MET: variants seen among roughly 807,000 people sequenced by gnomAD.
The protein encoded by MET is hepatocyte growth factor receptor.
In MET, 48 loss-of-function variants were observed where a neutral mutation model predicts 133.1. That is an observed-to-expected ratio of 0.36 (90% CI 0.29 to 0.46). The LOEUF is 0.46. MET is among the 20% of genes least tolerant of loss of function. The pLI is 1.00. For synonymous variants in MET, 628 were observed against 616.5 expected (o/e 1.02, Z -0.28); for missense variants, 1,442 against 1,695.9 (o/e 0.85, Z 2.63).
Position 116,778,912 on chromosome 7 carries a change from C to T in MET, c.3477C>T (p.Tyr1159=), listed in dbSNP as rs372238373. 73 of 1,613,872 alleles carry T rather than the reference C, an allele frequency of 4.5e-5. No homozygotes were observed. Among genetic ancestry groups the T allele is most frequent in the Admixed American group, 8.3e-5 (5 of 59,998 alleles). Residue 1159 remains tyrosine (Y), a synonymous_variant, in exon 17 of 21, where the codon TAC becomes TAT. Coordinates refer to ENST00000397752, the MANE Select transcript of MET (RefSeq NM_000245.4). Reference sequence around the variant, plus strand: ...GGTCTCCGCTGGTGGTCCTACCATACATGAAACATGGAGATCTTCGAAATT... The same window carrying T: ...GGTCTCCGCTGGTGGTCCTACCATATATGAAACATGGAGATCTTCGAAATT... The part of the protein sequence containing the change: ...SEGSPLVVLP[Y]MKHGDLRNFI...
At chr7:116,743,291 G>T (rs192578133) in intron 5 of MET, among the ~76,000 whole-genome samples, 3 of 152,336 alleles carry the variant, frequency 2.0e-5, no homozygotes, top group Non-Finnish European at 4.4e-5. Context: ...TGGGTTTGAA[G>T]CACAAAACTG....
intron 12 of MET, among the ~76,000 whole-genome samples, chr7:116,770,764 C>T (rs193114393): frequency 2.7e-4 from 41 of 152,236 alleles, no homozygotes; most frequent in African/African-American, 9.4e-4. Flanking sequence ...TAGCCTGTGT[C>T]GGTACTTCAT....
chr7:116,717,178 G>A (rs530218950), intron 2 of MET, among the ~76,000 whole-genome samples: 12 of 152,298 alleles, frequency 7.9e-5, no homozygotes, highest in South Asian at 4.1e-4. Context: ...CAGCCTGGCC[G>A]TGCATTAAGG....
At chr7:116,758,381 T>C (rs2116928862) in intron 8 of MET, 78 bp from the exon 9 acceptor site, 1 of 1,426,402 alleles carries the variant, frequency 7.0e-7, no homozygotes, top group Non-Finnish European at 9.8e-7. Context: ...AGTTATATCC[T>C]TTTGATTTGT....
chr7:116,778,940 A>G lies in MET; in HGVS notation c.3505A>G (p.Ile1169Val), dbSNP rs752109953. Residue 1169 changes from isoleucine to valine, a missense_variant, in exon 17 of 21, where the codon ATT becomes GTT. Physicochemically the swap from Ile to Val is conservative, Grantham distance 29. Around this residue, in one of 6 missense-constraint regions of MET, gnomAD observed 514 missense variants for 659.6 expected, o/e 0.78. Transcript: ENST00000397752. ...GAAACATGGAGATCTTCGAAATTTCATTCGAAATGAGACTCATGTAAGTTG... is the reference window on the plus strand; with the variant it reads ...GAAACATGGAGATCTTCGAAATTTCGTTCGAAATGAGACTCATGTAAGTTG... ...YMKHGDLRNFIRNETHNPTVK... is the reference protein window; with the variant it reads ...YMKHGDLRNFVRNETHNPTVK... 6.2e-7 allele frequency: 1 copy of G among 1,613,858 alleles called. No homozygotes were observed. Among genetic ancestry groups the G allele is most frequent in the South Asian group, 1.1e-5 (1 of 91,062 alleles).
intron 1 of MET, among the ~76,000 whole-genome samples, chr7:116,675,380 A>G (rs1028249608): frequency 6.6e-6 from 1 of 152,234 alleles, no homozygotes; most frequent in Non-Finnish European, 1.5e-5. Context: ...ATCACATGAG[A>G]AACGCTTTCA....
Position 116,764,388 on chromosome 7 carries a change from CT to C in MET, c.2583+1129del, listed in dbSNP as rs202214034. Among the ~76,000 whole-genome samples the C allele has an allele frequency of 1.5e-3, 221 of 150,734 alleles. 2 individuals carry two copies. The East Asian group carries it at 0.016, about 11-fold the overall frequency. ...AGGGAGAAATAAGCTTTTATCACTT[CT>C]TTTTTTTTAATAAAACTAATCTAGT... On this transcript the variant is annotated intron_variant, in intron 11 of 20. Transcript: ENST00000397752.
intron 5 of MET, among the ~76,000 whole-genome samples, chr7:116,752,148 T>TATATAATACTCCTATCCC (rs1793947925): frequency 6.6e-6 from 1 of 152,128 alleles, no homozygotes; most frequent in Non-Finnish European, 1.5e-5. Context: ...AAAAGCAGTA[T>TATATAATACTCCTATCCC]TATATAGGGA....
intron 1 of MET, among the ~76,000 whole-genome samples, chr7:116,695,438 A>C (rs1048429175): frequency 2.2e-4 from 33 of 152,234 alleles, no homozygotes; most frequent in African/African-American, 7.7e-4. Flanking sequence ...GTGCTTTCAG[A>C]GATGAGATCT....
chr7:116,721,905 G>C (rs376673337), intron 2 of MET, among the ~76,000 whole-genome samples: 32 of 152,030 alleles, frequency 2.1e-4, no homozygotes, highest in East Asian at 9.7e-4. Flanking sequence ...TTACTTCCAA[G>C]TATGTGGTCA....
chr7:116,790,041 G>C (rs1209208843), intron 19 of MET, among the ~76,000 whole-genome samples: 1 of 152,164 alleles, frequency 6.6e-6, no homozygotes, highest in Non-Finnish European at 1.5e-5. Context: ...CACTTAGTGA[G>C]AACTTGCGGT....
chr7:116,754,915 GAAAGAAAGAAAGAA>G (rs1429219082), intron 5 of MET, among the ~76,000 whole-genome samples: 2 of 139,372 alleles, frequency 1.4e-5, no homozygotes, highest in Non-Finnish European at 3.1e-5. Context: ...AAGAAAGAAA[GAAAGAAAGAAAGAA>G]AGAAAGAAAG....
At chr7:116,708,160 G>A (rs760008942) in intron 2 of MET, among the ~76,000 whole-genome samples, 2 of 152,108 alleles carry the variant, frequency 1.3e-5, no homozygotes, top group African/African-American at 4.8e-5. Flanking sequence ...AATACATCAT[G>A]ATAATTTATG....
In MET at chr7:116,672,376, G is replaced by T; in HGVS notation, c.-216G>T. On this transcript the variant is annotated 5_prime_UTR_variant, in exon 1 of 21. Coordinates refer to ENST00000397752, the MANE Select transcript of MET (RefSeq NM_000245.4). Reference sequence around the variant, plus strand: ...CGGCCGGCGGGCGGGCGGGGCGCTGGGCTCAGCCCGGCCGCAGGTGACCCG... The same window carrying T: ...CGGCCGGCGGGCGGGCGGGGCGCTGTGCTCAGCCCGGCCGCAGGTGACCCG... The T allele has an allele frequency of 2.7e-6, 1 of 366,668 alleles. No homozygotes were observed. The highest frequency in any genetic ancestry group is 4.0e-5 in the East Asian group (1 of 25,110). 22.7% of individuals were successfully genotyped at this position (366,668 alleles called of 1,614,324 possible).
intron 19 of MET, among the ~76,000 whole-genome samples, chr7:116,787,742 A>G (rs1479841425): frequency 1.3e-4 from 20 of 152,346 alleles, no homozygotes; most frequent in Non-Finnish European, 1.5e-5. Flanking sequence ...TTCAAACCAT[A>G]GCAAAGGCAA....
intron 1 of MET, among the ~76,000 whole-genome samples, chr7:116,695,062 T>C (rs961794488): frequency 4.6e-5 from 7 of 152,202 alleles, no homozygotes; most frequent in Admixed American, 1.3e-4. Flanking sequence ...TTGGTTACAA[T>C]ATTTTTCTCC....
Position 116,699,412 on chromosome 7 carries a change from G to T in MET, c.328G>T (p.Gly110Cys), listed in dbSNP as rs762059386. The T allele has an allele frequency of 6.2e-7, 1 of 1,613,988 alleles. No individual in the cohort carries two copies. Among genetic ancestry groups the T allele is most frequent in the Non-Finnish European group, 8.5e-7 (1 of 1,179,926 alleles). ...CAGCAGCAAAGCCAATTTATCAGGA[G>T]GTGTTTGGAAAGATAACATCAACAT... is the stretch of plus-strand genomic sequence containing the variant. Reference protein sequence around the residue: ...DCSSKANLSGGVWKDNINMAL... With the variant: ...DCSSKANLSGCVWKDNINMAL... The change falls in exon 2 of 21, where the codon GGT (glycine) becomes TGT (cysteine). Residue 110 changes from glycine to cysteine, a missense_variant. Transcript: ENST00000397752.
chr7:116,710,497 C>T (rs1477045700), intron 2 of MET, among the ~76,000 whole-genome samples: 1 of 152,106 alleles, frequency 6.6e-6, no homozygotes, highest in African/African-American at 2.4e-5. Flanking sequence ...ACATGAGTAG[C>T]AATTACATTT....
rs369191825 is a variant in MET at position 116,772,000 on chromosome 7, G to T, written c.3028+11G>T. 70 of 1,613,446 alleles carry T rather than the reference G, an allele frequency of 4.3e-5. No homozygotes were observed. The African/African-American group carries it at 8.0e-4, about 18-fold the overall frequency. ...CTACTTTTCCAGAAGGTATATTTCA[G>T]TTTATTGTTCTGAGAAATACCTATA... On this transcript the variant is annotated intron_variant, in intron 14 of 20. Transcript: ENST00000397752.
Sources: gnomAD v4.1 joint callset for allele counts (sites outside exome capture counted in the v4.1 genomes callset) on GRCh38, gnomAD v4.1.1 for gene constraint, gnomAD v4.1.1 regional missense constraint, MANE v1.5 for transcripts, NCBI Gene and HGNC (gene_info 2026-07-23, HGNC 2026-07-21) for gene names.